Variants in ARMH4 observed in about 807,000 individuals in gnomAD.
The protein encoded by ARMH4 is armadillo like helical domain containing 4.
ARMH4 carries 49 observed loss-of-function variants against 61.9 expected under a neutral mutation model. That is an observed-to-expected ratio of 0.79 (90% confidence interval 0.63 to 1.00). The LOEUF (loss-of-function observed/expected upper bound fraction) is 1.00. Among genes scored for constraint, ARMH4 ranks in the 50% least tolerant of loss-of-function variants. ARMH4 has a pLI of 0.00. For synonymous variants in ARMH4, 368 were observed against 341.5 expected, an observed-to-expected ratio of 1.08 and a Z score of -0.85; for missense variants, 934 against 930.0, an observed-to-expected ratio of 1.00 and a Z score of -0.06.
intron 5 of ARMH4, among the ~76,000 whole-genome samples, chr14:58,076,378 A>C (rs1310325567): frequency 6.6e-6 from 1 of 152,198 alleles, no homozygotes; most frequent in Non-Finnish European, 1.5e-5. Context: ...AAGCAATCCA[A>C]CCAATCTTTT....
At chr14:58,149,900 T>G (rs1338001495) in intron 1 of ARMH4, among the ~76,000 whole-genome samples, 1 of 152,230 alleles carries the variant, frequency 6.6e-6, no homozygotes, top group Admixed American at 6.5e-5. Flanking sequence ...TCCTGTCAAA[T>G]ACAGAAATGT....
intron 1 of ARMH4, among the ~76,000 whole-genome samples, chr14:58,142,479 T>C (rs1231993785): frequency 1.3e-5 from 2 of 151,946 alleles, no homozygotes; most frequent in African/African-American, 4.8e-5. Context: ...CTCTTCTCTT[T>C]TCTTTTCTTT....
chr14:58,106,699 A>C (rs1278362423), intron 4 of ARMH4, among the ~76,000 whole-genome samples: 1 of 152,126 alleles, frequency 6.6e-6, no homozygotes, highest in African/African-American at 2.4e-5. Flanking sequence ...TCCTTCCAAG[A>C]GACTCAAACG....
chr14:58,100,755 C>G (rs1288074739), intron 4 of ARMH4, among the ~76,000 whole-genome samples: 1 of 152,056 alleles, frequency 6.6e-6, no homozygotes, highest in African/African-American at 2.4e-5. Flanking sequence ...CTGGAGTGCC[C>G]CTGCCTGTAC....
chr14:58,144,098 A>G (rs1181203641), intron 1 of ARMH4, among the ~76,000 whole-genome samples: 1 of 152,202 alleles, frequency 6.6e-6, no homozygotes, highest in Non-Finnish European at 1.5e-5. Context: ...AAAAAAGAGA[A>G]AATGGCAAAG....
chr14:58,002,405 G>C lies in ARMH4; in HGVS notation c.*2331C>G, dbSNP rs1225607031. 6.6e-6 allele frequency: 1 copy of C among 152,178 alleles called. No individual in the cohort carries two copies. The highest frequency in any genetic ancestry group is 1.5e-5 in the Non-Finnish European group (1 of 68,040). 9.4% of individuals were successfully genotyped at this position (152,178 alleles called of 1,614,324 possible). A position where few individuals can be genotyped will look rare whatever the true frequency, so the allele number is the denominator to read the frequency against. On this transcript the variant is annotated 3_prime_UTR_variant, in exon 8 of 8. Transcript: ENST00000267485. ...CATGTGTCCCAAAAAGGACCACAGA[G>C]ATACTGTGTTAAGCCAAAATTCACA...
intron 4 of ARMH4, among the ~76,000 whole-genome samples, chr14:58,106,571 A>G (rs1205842341): frequency 1.3e-5 from 2 of 152,228 alleles, no homozygotes; most frequent in African/African-American, 2.4e-5. Flanking sequence ...TGGCAGGCAG[A>G]CAAAATGTGT....
intron 5 of ARMH4, among the ~76,000 whole-genome samples, chr14:58,042,517 C>T (rs1001476639): frequency 8.5e-5 from 13 of 152,084 alleles, no homozygotes; most frequent in East Asian, 5.8e-4. Flanking sequence ...AAAATTGACA[C>T]CCTAACATCA....
chr14:58,096,944 ATCT>A lies in ARMH4; in HGVS notation c.1866_1868del (p.Glu622del), dbSNP rs752431315. 1.1e-5 allele frequency: 18 copies of A among 1,611,990 alleles called. No homozygotes were observed. The African/African-American group carries it at 1.2e-4, about 11-fold the overall frequency. On this transcript the variant is annotated inframe_deletion, in exon 5 of 8. Transcript: ENST00000267485. ...CCTCATCTTCCTCTTCTTCATCTTC[ATCT>A]TCTTCATCCTCTTCATCCTCATCTT... is the stretch of plus-strand genomic sequence containing the variant.
intron 5 of ARMH4, among the ~76,000 whole-genome samples, chr14:58,066,701 C>T (rs563115398): frequency 2.6e-5 from 4 of 152,216 alleles, no homozygotes; most frequent in African/African-American, 9.6e-5. Context: ...TTCGCTTTTC[C>T]ATGAGGAAAA....
chr14:58,073,170 T>A (rs1884940134), intron 5 of ARMH4, among the ~76,000 whole-genome samples: 1 of 152,036 alleles, frequency 6.6e-6, no homozygotes, highest in Admixed American at 6.6e-5. Context: ...CCCATAAAAA[T>A]ATGGCAACTC....
chr14:58,132,838 G>C (rs1887161440), intron 3 of ARMH4, among the ~76,000 whole-genome samples: 1 of 152,032 alleles, frequency 6.6e-6, no homozygotes, highest in South Asian at 2.1e-4. Context: ...ACCCGCCTCA[G>C]CCTCCCAAAG....
chr14:58,093,118 CCA>C (rs1010428755), intron 5 of ARMH4, among the ~76,000 whole-genome samples: 3 of 152,122 alleles, frequency 2.0e-5, no homozygotes, highest in African/African-American at 7.2e-5. Context: ...CTCCCTGCTA[CCA>C]CCAGGTGAGG....
chr14:58,044,785 T>C (rs1432342118), intron 5 of ARMH4, among the ~76,000 whole-genome samples: 1 of 151,930 alleles, frequency 6.6e-6, no homozygotes, highest in South Asian at 2.1e-4. Context: ...AACAACCCCA[T>C]CAAAAAGTGG....
chr14:58,029,302 C>T (rs1019011526), intron 5 of ARMH4, among the ~76,000 whole-genome samples: 2 of 151,822 alleles, frequency 1.3e-5, no homozygotes, highest in Admixed American at 1.3e-4. Context: ...GGCGCAATCT[C>T]GGCTCACCAC....
At chr14:58,143,765 C>CTTTTTTTTTTTTTTTTT (rs201034964) in intron 1 of ARMH4, among the ~76,000 whole-genome samples, 1 of 120,108 alleles carries the variant, frequency 8.3e-6, no homozygotes, top group Non-Finnish European at 1.6e-5. Flanking sequence ...TGCCCATCCT[C>CTTTTTTTTTTTTTTTTT]TTTTTTTTTT....
chr14:58,096,930 T>C lies in ARMH4; in HGVS notation c.1883A>G (p.Glu628Gly), dbSNP rs1428555174. ...TTCCTCATCTTCTTCCTCATCTTCC[T>C]CTTCTTCATCTTCATCTTCTTCATC... ...EEDEEDEDEEEEDEEEDEEDK... is the reference protein window; with the variant it reads ...EEDEEDEDEEGEDEEEDEEDK... Residue 628 changes from glutamate (E) to glycine (G), a missense_variant, in exon 5 of 8, where the codon GAG (glutamate) becomes GGG (glycine). By Grantham distance (98) the Glu-to-Gly change is moderately conservative. Coordinates refer to ENST00000267485, the MANE Select transcript of ARMH4 (RefSeq NM_001001872.4). 6 of 1,613,092 alleles carry C rather than the reference T, an allele frequency of 3.7e-6. No individual in the cohort carries two copies. Among genetic ancestry groups the C allele is most frequent in the Non-Finnish European group, 4.2e-6 (5 of 1,179,926 alleles).
At chr14:58,049,247 A>G (rs1427585219) in intron 5 of ARMH4, among the ~76,000 whole-genome samples, 1 of 151,980 alleles carries the variant, frequency 6.6e-6, no homozygotes, top group Non-Finnish European at 1.5e-5. Context: ...CCAAAAAAAA[A>G]AAAAAAAGAA....
chr14:58,043,532 T>G (rs1883806487), intron 5 of ARMH4, among the ~76,000 whole-genome samples: 1 of 152,212 alleles, frequency 6.6e-6, no homozygotes, highest in Non-Finnish European at 1.5e-5. Context: ...GCATTCCCTT[T>G]GAAAACTGGC....
Sources: gnomAD v4.1 joint callset for allele counts (sites outside exome capture counted in the v4.1 genomes callset) on GRCh38, gnomAD v4.1.1 for gene constraint, MANE v1.5 for transcripts, NCBI Gene and HGNC (gene_info 2026-07-23, HGNC 2026-07-21) for gene names.